The following TMEM94 variants were observed in gnomAD, a reference collection of about 807,000 sequenced individuals.
TMEM94 encodes ER Mg2+ ATPase.
TMEM94 carries 81 observed loss-of-function variants against 158.6 expected under a neutral mutation model. The observed-to-expected ratio is 0.51, with a 90% CI of 0.43 to 0.61. TMEM94 has a LOEUF of 0.61. Ranked by LOEUF, TMEM94 falls within the 20% of genes least tolerant of loss-of-function variation. The probability of loss-of-function intolerance (pLI) is 0.00; values close to 1 mark genes in which losing one functional copy is unlikely to be tolerated. For missense variants in TMEM94, 1,435 were observed against 1,762.0 expected (o/e 0.81, Z 3.32); for synonymous variants, 751 against 730.7 (o/e 1.03, Z -0.45).
At chr17:75,490,879 C>G in intron 11 of TMEM94, 121 bp downstream of exon 11, 1 of 1,016,192 alleles carries the variant, frequency 9.8e-7, no homozygotes, top group South Asian at 1.4e-5. Flanking sequence ...CCACCCGTTA[C>G]ATGTGGACAT....
intron 2 of TMEM94, among the ~76,000 whole-genome samples, chr17:75,482,074 G>C (rs1301411518): frequency 6.6e-6 from 1 of 152,124 alleles, no homozygotes; most frequent in Non-Finnish European, 1.5e-5. Flanking sequence ...CAGGCACAGT[G>C]GCTCAGGCCT....
intron 2 of TMEM94, among the ~76,000 whole-genome samples, chr17:75,478,135 C>G (rs1318306255): frequency 1.7e-4 from 22 of 132,932 alleles, no homozygotes; most frequent in Non-Finnish European, 2.6e-4. Context: ...CCTGCCTCAG[C>G]CTCCCAAGTA....
Position 75,498,976 on chromosome 17 carries a change from G to T in TMEM94, c.3892G>T (p.Val1298Phe). 1.3e-6 allele frequency: 2 copies of T among 1,597,924 alleles called. No homozygotes were observed. The highest frequency in any genetic ancestry group is 8.5e-7 in the Non-Finnish European group (1 of 1,172,692). The change falls in exon 31 of 32, where the codon GTC becomes TTC. Residue 1298 changes from valine (V) to phenylalanine (F), a missense_variant. By Grantham distance (50) the Val-to-Phe change is conservative. Around this residue, in one of 3 missense-constraint regions of TMEM94, gnomAD observed 335 missense variants for 409.1 expected, o/e 0.82. Coordinates refer to ENST00000314256, the MANE Select transcript of TMEM94 (RefSeq NM_014738.6). This position sits in a 1 kb window ranked among gnomAD's most constrained non-coding sequence, Gnocchi z 6.7. ...LQLWTHRDSH[V>F]HFGLEDVPLL... is the part of the protein sequence containing the mutation. ...GCTGTGGACACACAGGGACAGCCAC[G>T]TCCACTTTGGCCTGGAGGACGTGCC...
In TMEM94 at chr17:75,489,336, G is replaced by A. The variant is rs779157910; in HGVS notation, c.835G>A (p.Val279Met). ...CAATGAGCGGTTCACAGTGCAGTCG[G>A]TGATGCTACACTATGCTGTGCCCGT... ...LDNERFTVQS[V>M]MLHYAVPVVL... is the part of the protein sequence containing the mutation. Residue 279 changes from valine (V) to methionine (M), a missense_variant, in exon 8 of 32, where the codon GTG becomes ATG. This residue lies in a region of TMEM94 where 1,051 missense variants were observed against 1,254.4 expected (regional missense o/e 0.84). Coordinates refer to ENST00000314256, the MANE Select transcript of TMEM94 (RefSeq NM_014738.6). The surrounding 1 kb of genome is among the most constrained non-coding windows in gnomAD (Gnocchi z 5.0). The A allele has an allele frequency of 6.2e-7, 1 of 1,614,230 alleles. No homozygotes were observed. Among genetic ancestry groups the A allele is most frequent in the South Asian group, 1.1e-5 (1 of 91,090 alleles).
rs946598196 is a variant in TMEM94 at position 75,461,020 on chromosome 17, G to C, written c.-107+4269G>C. Among the ~76,000 whole-genome samples the C allele has an allele frequency of 1.2e-3, 179 of 147,162 alleles. 3 individuals are homozygous for C. The highest frequency in any genetic ancestry group is 5.1e-4 in the Non-Finnish European group (34 of 67,308). Reference sequence around the variant, plus strand: ...CCCGGCAACCATCTTTCTACTTTCTGTCTCTGTGATTTTGACTATTCTAGA... The same window carrying C: ...CCCGGCAACCATCTTTCTACTTTCTCTCTCTGTGATTTTGACTATTCTAGA... On this transcript the variant is annotated intron_variant, in intron 1 of 31. Coordinates refer to ENST00000314256, the MANE Select transcript of TMEM94 (RefSeq NM_014738.6).
chr17:75,476,620 C>T, intron 2 of TMEM94: 1 of 1,528,258 alleles, frequency 6.5e-7, no homozygotes, highest in Non-Finnish European at 8.7e-7. Context: ...TCTCTCTTTT[C>T]ACCCTCCCCG....
chr17:75,470,673 C>T (rs2050463939), intron 1 of TMEM94, among the ~76,000 whole-genome samples: 1 of 151,762 alleles, frequency 6.6e-6, no homozygotes, highest in Admixed American at 6.6e-5. Flanking sequence ...CCACTGCACT[C>T]CAGCCTGGGC....
rs1241216762 is a variant in TMEM94, at chr17:75,464,603, TTTCCTTCCTTTCTTTCTTTCC to T, written c.-106-7186_-106-7166del. 3.4e-3 allele frequency among the ~76,000 whole-genome samples: 195 copies of T among 57,824 alleles called. 1 individual carries two copies. Among genetic ancestry groups the T allele is most frequent in the African/African-American group, 9.2e-3 (182 of 19,754 alleles). 37.9% of individuals were successfully genotyped at this position (57,824 alleles called of 152,430 possible). The stretch of plus-strand genomic sequence containing the variant: ...TTTTTTCATTTTCTTTCTTTCTTTC[TTTCCTTCCTTTCTTTCTTTCC>T]TTCCTTCCTTCCTTCCTTCCTTCCT... On this transcript the variant is annotated intron_variant, in intron 1 of 31. Transcript: ENST00000314256.
chr17:75,459,062 AAAAAAAAC>A (rs1473376890), intron 1 of TMEM94, among the ~76,000 whole-genome samples: 64 of 152,132 alleles, frequency 4.2e-4, no homozygotes, highest in African/African-American at 1.5e-3. Context: ...GTCTCAAAAA[AAAAAAAAC>A]AAAAAAAACA....
chr17:75,475,356 T>C (rs2050643765), intron 2 of TMEM94, among the ~76,000 whole-genome samples: 1 of 152,156 alleles, frequency 6.6e-6, no homozygotes, highest in Non-Finnish European at 1.5e-5. Context: ...GGCTCCTTCT[T>C]CCCTGCAGCT....
chr17:75,499,168 C>G, intron 31 of TMEM94, 86 bp downstream of exon 31: 1 of 1,588,422 alleles, frequency 6.3e-7, no homozygotes. Flanking sequence ...CCCACCTTTC[C>G]GCTGCCCATC....
intron 2 of TMEM94, chr17:75,476,891 C>A: frequency 7.5e-7 from 1 of 1,328,686 alleles, no homozygotes; most frequent in Non-Finnish European, 1.0e-6. Context: ...GTAGCTGGGA[C>A]CTGGGAAGGG....
intron 1 of TMEM94, 130 bp from the exon 2 acceptor site, chr17:75,471,670 C>G: frequency 2.3e-6 from 1 of 438,004 alleles, no homozygotes. Flanking sequence ...GCCGAGATCG[C>G]GCCACTGCAC....
chr17:75,496,653 G>T (rs2052717597), intron 24 of TMEM94, 77 bp from the exon 25 acceptor site: 3 of 1,499,724 alleles, frequency 2.0e-6, no homozygotes, highest in Non-Finnish European at 1.9e-6. Flanking sequence ...TCTGGCTCTT[G>T]GCTAAAGTGT....
chr17:75,480,382 G>A (rs949026274), intron 2 of TMEM94, among the ~76,000 whole-genome samples: 13 of 152,250 alleles, frequency 8.5e-5, no homozygotes, highest in Non-Finnish European at 1.6e-4. Flanking sequence ...CATAACAAGC[G>A]GGGGCAGATG....
chr17:75,497,344 C>CTTTTT (rs67776731), intron 26 of TMEM94, 146 bp downstream of exon 26: 6 of 130,370 alleles, frequency 4.6e-5, no homozygotes, highest in South Asian at 1.3e-4. Context: ...CCCCCTTTGT[C>CTTTTT]TTTTTTTTTT....
At chr17:75,467,542 T>A (rs886115439) in intron 1 of TMEM94, among the ~76,000 whole-genome samples, 8 of 144,548 alleles carry the variant, frequency 5.5e-5, no homozygotes, top group Non-Finnish European at 1.2e-4. Context: ...TTTTTTTTTT[T>A]TGAGACGGAG....
rs778028057 is a variant in TMEM94, at chr17:75,497,737, G to A, written c.3408-44G>A. 2.6e-6 allele frequency: 4 copies of A among 1,511,792 alleles called. No homozygotes were observed. In the Admixed American group the frequency reaches 6.7e-5, roughly 25 times the overall value. The allele number at this position is 1,511,792 out of a possible 1,614,324, so 93.6% of individuals were successfully genotyped here. A position where few individuals can be genotyped will look rare whatever the true frequency, so the allele number is the denominator to read the frequency against. The stretch of plus-strand genomic sequence containing the variant: ...TTCCCTCTATGAGAATTGAGGGACA[G>A]AGGGTCATTGTCACCATCCCTCTAC... On this transcript the variant is annotated intron_variant, in intron 26 of 31. Transcript: ENST00000314256.
rs1213113817 is a variant in TMEM94, at chr17:75,494,660, G to T, written c.2441G>T (p.Cys814Phe). 6.2e-7 allele frequency: 1 copy of T among 1,613,754 alleles called. No homozygotes were observed. The highest frequency in any genetic ancestry group is 8.5e-7 in the Non-Finnish European group (1 of 1,180,038). ...GIGEVLEKED[C>F]MQALSGQIFM... ...GGGGAGGTGCTGGAGAAGGAAGACT[G>T]CATGCAGGCCCTGAGCGGCCAGATC... The change falls in exon 19 of 32, where the codon TGC becomes TTC. Residue 814 changes from cysteine (C) to phenylalanine (F), a missense_variant. Physicochemically the swap from Cys to Phe is radical, Grantham distance 205 (BLOSUM62 -2). This residue lies in a region of TMEM94 where 1,051 missense variants were observed against 1,254.4 expected (regional missense o/e 0.84). Coordinates refer to ENST00000314256, the MANE Select transcript of TMEM94 (RefSeq NM_014738.6).
Sources: gnomAD v4.1 joint callset for allele counts (sites outside exome capture counted in the v4.1 genomes callset) on GRCh38, gnomAD v4.1.1 for gene constraint, gnomAD v4.1.1 regional missense constraint, Gnocchi (gnomAD v3.1) non-coding constraint, MANE v1.5 for transcripts, NCBI Gene and HGNC (gene_info 2026-07-23, HGNC 2026-07-21) for gene names.